The following VWDE variants were observed in gnomAD, a reference collection of about 807,000 sequenced individuals.
VWDE encodes the protein von Willebrand factor D and EGF domain-containing protein.
In VWDE, 207 loss-of-function variants were observed where a neutral mutation model predicts 178.4. The ratio of observed to expected loss-of-function variants is 1.16; its 90% CI spans 1.04 to 1.30. The LOEUF (loss-of-function observed/expected upper bound fraction) is 1.30, where lower values mean the gene tolerates loss of function less well. Among genes scored for constraint, VWDE ranks in the 50% most tolerant of loss-of-function variants. The probability of loss-of-function intolerance (pLI) is 0.00; values close to 1 mark genes in which losing one functional copy is unlikely to be tolerated. For missense variants in VWDE, 2,287 were observed against 1,901.3 expected (o/e 1.20, Z -3.77); for synonymous variants, 738 against 651.4 (o/e 1.13, Z -2.02).
At chr7:12,337,941 G>A (rs889378274) in intron 24 of VWDE, among the ~76,000 whole-genome samples, 1 of 151,982 alleles carries the variant, frequency 6.6e-6, no homozygotes, top group Non-Finnish European at 1.5e-5. Context: ...TTCCATATAT[G>A]GAAATTAAAT....
At chr7:12,358,390 G>GGC (rs1782388546) in intron 16 of VWDE, among the ~76,000 whole-genome samples, 1 of 151,580 alleles carries the variant, frequency 6.6e-6, no homozygotes, top group African/African-American at 2.4e-5. Flanking sequence ...TAAAAGGTGG[G>GGC]GGGGGCTATT....
chr7:12,394,322 A>AT (rs397773194), intron 1 of VWDE, among the ~76,000 whole-genome samples: 2 of 151,976 alleles, frequency 1.3e-5, no homozygotes, highest in African/African-American at 2.4e-5. Context: ...AACATTAAAA[A>AT]TTTTAAAGTT....
At position 12,403,659 on chromosome 7, in the gene VWDE, C is replaced by G. The variant is rs1562529265; in HGVS notation, c.58G>C (p.Ala20Pro). 1 of 1,543,968 alleles carries G rather than the reference C, an allele frequency of 6.5e-7. No individual in the cohort carries two copies. The highest frequency in any genetic ancestry group is 2.0e-5 in the Admixed American group (1 of 50,954). The change falls in exon 1 of 29, where the codon GCT becomes CCT. Residue 20 changes from alanine to proline, a missense_variant and splice_region_variant. By Grantham distance (27) the Ala-to-Pro change is conservative. Coordinates refer to ENST00000275358, the MANE Select transcript of VWDE (RefSeq NM_001135924.3). ...CCCCCGCGCGCCCTACCTCGCTTAC[C>G]TTCCCCCCAGGCCAGGAACATCAGC... ...IALMFLAWGE[A>P]QECSPGGHQF...
intron 23 of VWDE, among the ~76,000 whole-genome samples, chr7:12,340,988 T>C (rs2128546355): frequency 6.6e-6 from 1 of 152,316 alleles, no homozygotes; most frequent in East Asian, 1.9e-4. Flanking sequence ...TCACCCTAGA[T>C]CCTACCCATT....
intron 24 of VWDE, among the ~76,000 whole-genome samples, chr7:12,339,407 G>C (rs1477803881): frequency 1.3e-5 from 2 of 152,114 alleles, no homozygotes; most frequent in East Asian, 1.9e-4. Flanking sequence ...TAGTCTTCTA[G>C]TTTTCAAGAT....
chr7:12,359,732 G>C, intron 15 of VWDE, 40 bp from the exon 16 acceptor site: 3 of 1,284,950 alleles, frequency 2.3e-6, no homozygotes, highest in Non-Finnish European at 3.2e-6. Context: ...TCAAAGTACA[G>C]CGTGTAGAAA....
rs979567503 is a variant in VWDE at position 12,393,521 on chromosome 7, G to T, written c.243+73C>A. The T allele has an allele frequency of 4.1e-5, 51 of 1,251,312 alleles. No individual in the cohort carries two copies. The African/African-American group carries it at 6.6e-4, about 16-fold the overall frequency. 77.5% of individuals were successfully genotyped at this position (1,251,312 alleles called of 1,614,324 possible). A position where few individuals can be genotyped will look rare whatever the true frequency, so the allele number is the denominator to read the frequency against. On this transcript the variant is annotated intron_variant, in intron 2 of 28. Transcript: ENST00000275358. ...ATTTTAGCATGAGAAATAAGCTGGTGGTAAAAAGATACAATTCTCATATGA... is the reference window on the plus strand; with the variant it reads ...ATTTTAGCATGAGAAATAAGCTGGTTGTAAAAAGATACAATTCTCATATGA...
chr7:12,344,093 T>C (rs1483188840), intron 21 of VWDE, 102 bp downstream of exon 21: 1 of 808,394 alleles, frequency 1.2e-6, no homozygotes, highest in African/African-American at 1.7e-5. Flanking sequence ...AAGAATATTT[T>C]AATATATACA....
intron 8 of VWDE, 45 bp downstream of exon 8, chr7:12,374,965 C>G (rs1481146970): frequency 6.7e-7 from 1 of 1,502,890 alleles, no homozygotes; most frequent in Non-Finnish European, 9.0e-7. Flanking sequence ...ATACACATTT[C>G]TTCTTAAAGC....
chr7:12,333,501 A>C lies in VWDE; in HGVS notation c.4722T>G (p.Thr1574=), dbSNP rs765969001. Residue 1574 remains threonine, a synonymous_variant, in exon 28 of 29, where the codon ACT becomes ACG. Coordinates refer to ENST00000275358, the MANE Select transcript of VWDE (RefSeq NM_001135924.3). ...CIFPNVCSCR[T]EYSGVKCEKK... ...TCTCACATTTGACTCCAGAGTATTC[A>C]GTGCGGCAGGAACACACATTGGGAA... 7 of 1,551,032 alleles carry C rather than the reference A, an allele frequency of 4.5e-6. No homozygotes were observed. The East Asian group carries it at 1.7e-4, about 38-fold the overall frequency.
In VWDE at chr7:12,393,776, G is replaced by C; in HGVS notation, c.61C>G (p.Gln21Glu). ...ALMFLAWGEA[Q>E]ECSPGGHQFL... ...TGGTGTCCCCCAGGAGAGCACTCCT[G>C]AGCTAGTATGGAAAGACAGGTGTTT... Residue 21 changes from glutamine (Q) to glutamate (E), a missense_variant and splice_region_variant, in exon 2 of 29, where the codon CAG (glutamine) becomes GAG (glutamate). Transcript: ENST00000275358. 6.5e-7 allele frequency: 1 copy of C among 1,542,660 alleles called. No individual in the cohort carries two copies. Among genetic ancestry groups the C allele is most frequent in the African/African-American group, 1.4e-5 (1 of 72,600 alleles).
chr7:12,355,222 C>G (rs1028088532), intron 18 of VWDE, among the ~76,000 whole-genome samples: 3 of 152,018 alleles, frequency 2.0e-5, no homozygotes, highest in African/African-American at 7.2e-5. Flanking sequence ...TGAGACCATG[C>G]TGGCCAACAT....
At chr7:12,341,359 C>A (rs112192989) in intron 23 of VWDE, among the ~76,000 whole-genome samples, 1 of 152,100 alleles carries the variant, frequency 6.6e-6, no homozygotes, top group South Asian at 2.1e-4. Flanking sequence ...TTACGCCGGG[C>A]GCAGTGGCTC....
chr7:12,386,089 T>C (rs2128560035), intron 3 of VWDE, among the ~76,000 whole-genome samples: 1 of 152,292 alleles, frequency 6.6e-6, no homozygotes, highest in East Asian at 1.9e-4. Context: ...TTATTAGTTG[T>C]CAATGTTTCT....
chr7:12,349,600 C>G (rs1781818141), intron 19 of VWDE, among the ~76,000 whole-genome samples: 1 of 151,084 alleles, frequency 6.6e-6, no homozygotes, highest in South Asian at 2.1e-4. Flanking sequence ...AATTTAAGTA[C>G]CTATTATGTA....
chr7:12,334,393 T>C (rs1780898958), intron 27 of VWDE, among the ~76,000 whole-genome samples: 1 of 152,152 alleles, frequency 6.6e-6, no homozygotes, highest in Admixed American at 6.5e-5. Flanking sequence ...CAATATCACA[T>C]ACTTGAAGCT....
At chr7:12,385,920 T>A (rs548636950) in intron 3 of VWDE, among the ~76,000 whole-genome samples, 12 of 152,158 alleles carry the variant, frequency 7.9e-5, no homozygotes, top group Non-Finnish European at 2.9e-5. Context: ...TGGATGATAG[T>A]GACATTAACA....
At position 12,370,260 on chromosome 7, in the gene VWDE, G is replaced by A; in HGVS notation, c.2046C>T (p.Asn682=). The A allele has an allele frequency of 6.4e-7, 1 of 1,550,984 alleles. No individual in the cohort carries two copies. The highest frequency in any genetic ancestry group is 1.7e-4 in the Middle Eastern group (1 of 5,992). ...TATATTCTTCTGGAGATGTATGCTT[G>A]TTTATCTCTCTGACAAGAGTGTCTG... is the stretch of plus-strand genomic sequence containing the variant. ...INSDTLVREI[N]KHTSPEEYNL... Residue 682 remains asparagine, a synonymous_variant, in exon 12 of 29, where the codon AAC becomes AAT. Transcript: ENST00000275358.
In VWDE at chr7:12,336,988, G is replaced by A. The variant is rs373983333; in HGVS notation, c.4558C>T (p.Pro1520Ser). The A allele has an allele frequency of 1.2e-4, 189 of 1,549,592 alleles. No individual in the cohort carries two copies. The highest frequency in any genetic ancestry group is 1.5e-4 in the Non-Finnish European group (170 of 1,145,950). Reference sequence around the variant, plus strand: ...AGTGTTTTAAGAGTATTCCTCTTACGTGTGTTGCATCGTTTCCCACTCCAA... The same window carrying A: ...AGTGTTTTAAGAGTATTCCTCTTACATGTGTTGCATCGTTTCCCACTCCAA... The part of the protein sequence containing the change: ...SGWSGKRCNT[P>S]ICLQKCKNGG... The change falls in exon 26 of 29, where the codon CCT becomes TCT. Residue 1520 changes from proline to serine, a missense_variant and splice_region_variant. Physicochemically the swap from Pro to Ser is moderately conservative, Grantham distance 74. Transcript: ENST00000275358.
Sources: gnomAD v4.1 joint callset for allele counts (sites outside exome capture counted in the v4.1 genomes callset) on GRCh38, gnomAD v4.1.1 for gene constraint, MANE v1.5 for transcripts, NCBI Gene and HGNC (gene_info 2026-07-23, HGNC 2026-07-21) for gene names.